BIN1: variants seen among roughly 807,000 people sequenced by gnomAD.
The protein encoded by BIN1 is bridging integrator 1, also known as myc box-dependent-interacting protein 1.
Under a neutral mutation model 82.0 loss-of-function variants are expected in BIN1, and 53 were observed. The ratio of observed to expected loss-of-function variants is 0.65; its 90% CI spans 0.52 to 0.81. The LOEUF is 0.81. BIN1 is among the 40% of genes least tolerant of loss of function. The pLI is 0.00. For missense variants in BIN1, 642 were observed against 784.4 expected, an observed-to-expected ratio of 0.82 and a Z score of 2.17; for synonymous variants, 302 against 328.0, an observed-to-expected ratio of 0.92 and a Z score of 0.86.
Position 127,090,261 on chromosome 2 carries a change from C to G in BIN1, c.85-13555G>C, listed in dbSNP as rs987430835. Among the ~76,000 whole-genome samples, 22 of 152,346 alleles carry G rather than the reference C, an allele frequency of 1.4e-4. No individual in the cohort carries two copies. Among genetic ancestry groups the G allele is most frequent in the African/African-American group, 5.3e-4 (22 of 41,586 alleles). ...CAACCAAACAGCTGAAGACAGTGGC[C>G]ATCGCAGCAAGGCCAGCCTGGTGCA... is the stretch of plus-strand genomic sequence containing the variant. On this transcript the variant is annotated intron_variant, in intron 1 of 18. Coordinates refer to ENST00000316724, the MANE Select transcript of BIN1 (RefSeq NM_139343.3). The surrounding 1 kb of genome is among the most constrained non-coding windows in gnomAD (Gnocchi z 6.4).
chr2:127,067,354 G>A lies in BIN1; in HGVS notation c.612+809C>T, dbSNP rs1051888889. 3.9e-5 allele frequency among the ~76,000 whole-genome samples: 6 copies of A among 152,220 alleles called. No homozygotes were observed. Among genetic ancestry groups the A allele is most frequent in the Non-Finnish European group, 7.3e-5 (5 of 68,036 alleles). On this transcript the variant is annotated intron_variant, in intron 7 of 18. Coordinates refer to ENST00000316724, the MANE Select transcript of BIN1 (RefSeq NM_139343.3). The surrounding 1 kb of genome is among the most constrained non-coding windows in gnomAD (Gnocchi z 4.7). The stretch of plus-strand genomic sequence containing the variant: ...AAAACCACATGACCCACCTCTCACA[G>A]GGCACTGCATCCAGTGGTCCCTGGC...
chr2:127,072,420 C>G (rs1686005270), intron 2 of BIN1, among the ~76,000 whole-genome samples: 1 of 152,216 alleles, frequency 6.6e-6, no homozygotes, highest in Non-Finnish European at 1.5e-5. Flanking sequence ...CCCAGTCACA[C>G]AGAGACTCGG....
rs2105295383 is a variant in BIN1 at position 127,093,889 on chromosome 2, C to T, written c.84+12971G>A. On this transcript the variant is annotated intron_variant, in intron 1 of 18. Transcript: ENST00000316724. The surrounding 1 kb of genome is among the most constrained non-coding windows in gnomAD (Gnocchi z 5.7). The stretch of plus-strand genomic sequence containing the variant: ...ATCTGGATCCTGAGCTAGGCCTGGA[C>T]TCCCTGGACTCCTCCAGTGCTGGGG... Among the ~76,000 whole-genome samples, 1 of 152,336 alleles carries T rather than the reference C, an allele frequency of 6.6e-6. No homozygotes were observed. Among genetic ancestry groups the T allele is most frequent in the East Asian group, 1.9e-4 (1 of 5,178 alleles).
In BIN1 at chr2:127,057,796, C is replaced by T. The variant is rs1683900514; in HGVS notation, c.1003-195G>A. ...CAACATAGACACCAAGACCCCAGGC[C>T]ACCCCCGAGAGGGACACTGAGGCAG... is the stretch of plus-strand genomic sequence containing the variant. On this transcript the variant is annotated intron_variant, in intron 11 of 18. Coordinates refer to ENST00000316724, the MANE Select transcript of BIN1 (RefSeq NM_139343.3). The surrounding 1 kb of genome is among the most constrained non-coding windows in gnomAD (Gnocchi z 5.0). Among the ~76,000 whole-genome samples, 3 of 147,990 alleles carry T rather than the reference C, an allele frequency of 2.0e-5. No individual in the cohort carries two copies. The South Asian group carries it at 6.8e-4, about 33-fold the overall frequency.
chr2:127,076,764 C>T (rs1686668210), intron 1 of BIN1, 58 bp from the exon 2 acceptor site: 1 of 1,588,192 alleles, frequency 6.3e-7, no homozygotes, highest in Admixed American at 1.7e-5. Flanking sequence ...GTGGTCAAAC[C>T]AAGAGTGCTC....
At chr2:127,069,147 C>T (rs763276978) in intron 5 of BIN1, 116 bp from the exon 6 acceptor site, 2 of 899,052 alleles carry the variant, frequency 2.2e-6, no homozygotes, top group Non-Finnish European at 3.5e-6. Flanking sequence ...TCCACAGGAA[C>T]CCTTGAGCCC....
Position 127,092,071 on chromosome 2 carries a change from C to A in BIN1, c.84+14789G>T, listed in dbSNP as rs138005845. Among the ~76,000 whole-genome samples the A allele has an allele frequency of 4.1e-4, 63 of 151,936 alleles. 1 individual carries two copies. In the East Asian group the frequency reaches 0.012, roughly 28 times the overall value. Reference sequence around the variant, plus strand: ...CCAGGCTCTTGGCCCAGCTCTCCGCCTGGCCCCTACCCCACATACCACCCT... The same window carrying A: ...CCAGGCTCTTGGCCCAGCTCTCCGCATGGCCCCTACCCCACATACCACCCT... On this transcript the variant is annotated intron_variant, in intron 1 of 18. Coordinates refer to ENST00000316724, the MANE Select transcript of BIN1 (RefSeq NM_139343.3).
Position 127,068,862 on chromosome 2 carries a change from C to G in BIN1, c.519+62G>C. 4 of 1,508,634 alleles carry G rather than the reference C, an allele frequency of 2.7e-6. No homozygotes were observed. The highest frequency in any genetic ancestry group is 3.7e-6 in the Non-Finnish European group (4 of 1,086,364). 93.5% of individuals were successfully genotyped at this position (1,508,634 alleles called of 1,614,324 possible). On this transcript the variant is annotated intron_variant, in intron 6 of 18. Coordinates refer to ENST00000316724, the MANE Select transcript of BIN1 (RefSeq NM_139343.3). The surrounding 1 kb of genome is among the most constrained non-coding windows in gnomAD (Gnocchi z 4.9). The stretch of plus-strand genomic sequence containing the variant: ...GGAGGAAGCCTCCACCCTCGGGGTC[C>G]TAGACACCCGCCCTCTCTCAGCCCC...
intron 10 of BIN1, among the ~76,000 whole-genome samples, chr2:127,060,346 A>T (rs1044516230): frequency 3.9e-5 from 6 of 152,150 alleles, no homozygotes; most frequent in Non-Finnish European, 7.4e-5. Context: ...TGGCCCGGGC[A>T]CCACCAGGGC....
chr2:127,096,406 G>A (rs952325463), intron 1 of BIN1, among the ~76,000 whole-genome samples: 18 of 152,276 alleles, frequency 1.2e-4, no homozygotes, highest in Admixed American at 4.6e-4. Context: ...GGGAAAGAGC[G>A]TTTGCATCAC....
chr2:127,054,118 C>G, intron 12 of BIN1, 106 bp from the exon 13 acceptor site: 2 of 874,044 alleles, frequency 2.3e-6, no homozygotes, highest in Non-Finnish European at 3.7e-6. Flanking sequence ...GACACACACA[C>G]ATACACACAC....
chr2:127,054,313 G>A (rs983360807), intron 12 of BIN1: 14 of 427,900 alleles, frequency 3.3e-5, no homozygotes, highest in East Asian at 9.7e-5. Context: ...GCCCGTGGCC[G>A]CCACCCCGCA....
In BIN1 at chr2:127,107,015, C is replaced by G; in HGVS notation, c.-72G>C. ...AGATCTTGCGCGCCGCGCTCCCAGC[C>G]CCCAGCCCCGGCCGCGCGTCCAGAC... On this transcript the variant is annotated 5_prime_UTR_variant, in exon 1 of 19. Coordinates refer to ENST00000316724, the MANE Select transcript of BIN1 (RefSeq NM_139343.3). The surrounding 1 kb of genome is among the most constrained non-coding windows in gnomAD (Gnocchi z 5.9). 6.9e-7 allele frequency: 1 copy of G among 1,445,002 alleles called. No individual in the cohort carries two copies. Among genetic ancestry groups the G allele is most frequent in the Middle Eastern group, 1.8e-4 (1 of 5,640 alleles). The allele number at this position is 1,445,002 out of a possible 1,614,324, so 89.5% of individuals were successfully genotyped here.
intron 1 of BIN1, among the ~76,000 whole-genome samples, chr2:127,095,846 A>C (rs1028183013): frequency 6.6e-5 from 10 of 152,184 alleles, no homozygotes; most frequent in African/African-American, 1.9e-4. Context: ...AATGCAACAG[A>C]GGTGCAATGG....
chr2:127,049,954 GC>G (rs1037877753), intron 18 of BIN1, among the ~76,000 whole-genome samples: 1 of 152,220 alleles, frequency 6.6e-6, no homozygotes, highest in Non-Finnish European at 1.5e-5. Context: ...GGCAGGGCCC[GC>G]CTCGAGGGAC....
At chr2:127,078,727 T>C (rs1209358219) in intron 1 of BIN1, among the ~76,000 whole-genome samples, 1 of 152,162 alleles carries the variant, frequency 6.6e-6, no homozygotes, top group Non-Finnish European at 1.5e-5. Flanking sequence ...TCCCCACTGC[T>C]GCCCCTCCCT....
In BIN1 at chr2:127,068,957, A is replaced by G. The variant is rs1060743; in HGVS notation, c.486T>C (p.Thr162=). The change falls in exon 6 of 19, where the codon ACT becomes ACC. Residue 162 remains threonine, a synonymous_variant. Transcript: ENST00000316724. The surrounding 1 kb of genome is among the most constrained non-coding windows in gnomAD (Gnocchi z 4.9). ...TTTTGGCTTCATCCTTCTTTTTGGC[A>G]GTTTGAAGGGACTCGTAGTGGTGCC... is the stretch of plus-strand genomic sequence containing the variant. ...SARHHYESLQ[T]AKKKDEAKIA... The G allele has an allele frequency of 0.31, 500,291 of 1,613,848 alleles. 79,706 individuals are homozygous for G. Among genetic ancestry groups the G allele is most frequent in the South Asian group, 0.44 (39,726 of 91,072 alleles).
chr2:127,062,025 G>A (rs1209490952), intron 10 of BIN1, 90 bp downstream of exon 10: 6 of 1,460,958 alleles, frequency 4.1e-6, no homozygotes, highest in Non-Finnish European at 4.6e-6. Context: ...ACCCATGGGG[G>A]ACCAGGGAGG....
chr2:127,059,053 G>T lies in BIN1; in HGVS notation c.960C>A (p.Gly320=). The T allele has an allele frequency of 6.4e-7, 1 of 1,573,958 alleles. No homozygotes were observed. The highest frequency in any genetic ancestry group is 1.3e-5 in the African/African-American group (1 of 74,362). ...GGAGGGTGGCCCCGGGCGTGGCCCC[G>T]CCGGCCGGCTCTGGCTCGTGGTTGA... ...IRVNHEPEPA[G]GATPGATLPK... The change falls in exon 11 of 19, where the codon GGC becomes GGA. Residue 320 remains glycine, a synonymous_variant. Coordinates refer to ENST00000316724, the MANE Select transcript of BIN1 (RefSeq NM_139343.3). The surrounding 1 kb of genome is among the most constrained non-coding windows in gnomAD (Gnocchi z 6.7).
Sources: gnomAD v4.1 joint callset for allele counts (sites outside exome capture counted in the v4.1 genomes callset) on GRCh38, gnomAD v4.1.1 for gene constraint, Gnocchi (gnomAD v3.1) non-coding constraint, MANE v1.5 for transcripts, NCBI Gene and HGNC (gene_info 2026-07-23, HGNC 2026-07-21) for gene names.